BANK1: variants seen among roughly 807,000 people sequenced by gnomAD.
BANK1 encodes B cell scaffold protein with ankyrin repeats 1.
A neutral mutation model predicts 94.5 loss-of-function variants in BANK1; 95 were observed. The observed-to-expected ratio is 1.00, with a 90% CI of 0.85 to 1.19. The LOEUF (loss-of-function observed/expected upper bound fraction) is 1.19. BANK1 is among the 50% of genes most tolerant of loss of function. The pLI, the probability that BANK1 is intolerant of heterozygous loss-of-function variation, is 0.00. For missense variants in BANK1, 987 were observed against 932.2 expected, an observed-to-expected ratio of 1.06 and a Z score of -0.77; for synonymous variants, 334 against 308.4, an observed-to-expected ratio of 1.08 and a Z score of -0.87.
intron 7 of BANK1, among the ~76,000 whole-genome samples, chr4:101,936,123 G>A (rs1416323607): frequency 6.6e-6 from 1 of 150,956 alleles, no homozygotes; most frequent in African/African-American, 2.4e-5. Flanking sequence ...CCCACAGAAT[G>A]GGAGAAAATA....
chr4:101,924,376 T>C (rs1723089628), intron 7 of BANK1, among the ~76,000 whole-genome samples: 1 of 151,810 alleles, frequency 6.6e-6, no homozygotes, highest in Non-Finnish European at 1.5e-5. Context: ...TTTCTCAGTG[T>C]TTTGCTATGT....
At chr4:102,067,336 A>T (rs1728627094) in intron 13 of BANK1, among the ~76,000 whole-genome samples, 1 of 152,132 alleles carries the variant, frequency 6.6e-6, no homozygotes, top group South Asian at 2.1e-4. Context: ...GACTGAATTA[A>T]ATGCTTCTTT....
intron 7 of BANK1, among the ~76,000 whole-genome samples, chr4:101,948,564 T>C (rs779072574): frequency 2.0e-5 from 3 of 152,150 alleles, no homozygotes; most frequent in Non-Finnish European, 4.4e-5. Flanking sequence ...TGAATGACTC[T>C]GTTTTTTATA....
intron 7 of BANK1, among the ~76,000 whole-genome samples, chr4:101,931,822 A>AGAGGGCTG (rs1352465779): frequency 2.0e-5 from 3 of 151,398 alleles, no homozygotes; most frequent in Non-Finnish European, 3.0e-5. Context: ...TGACATGGAG[A>AGAGGGCTG]GAGGGCTGGA....
intron 7 of BANK1, among the ~76,000 whole-genome samples, chr4:101,963,733 C>T (rs915151730): frequency 6.6e-6 from 1 of 152,044 alleles, no homozygotes; most frequent in Admixed American, 6.6e-5. Context: ...ATTTTCACTT[C>T]GAAAGAAACA....
Position 102,042,451 on chromosome 4 carries a change from C to T in BANK1, c.1901-1388C>T, listed in dbSNP as rs1578474917. ...CGTCAAACTTTGAAACATATTTTGCCTCTTCTGTTTAAAAGAGCACAGTTG... is the reference window on the plus strand; with the variant it reads ...CGTCAAACTTTGAAACATATTTTGCTTCTTCTGTTTAAAAGAGCACAGTTG... On this transcript the variant is annotated intron_variant, in intron 10 of 16. Coordinates refer to ENST00000322953, the MANE Select transcript of BANK1 (RefSeq NM_017935.5). Among the ~76,000 whole-genome samples the T allele has an allele frequency of 1.3e-5, 2 of 152,020 alleles. 1 individual carries two copies. Among genetic ancestry groups the T allele is most frequent in the Non-Finnish European group, 2.9e-5 (2 of 67,916 alleles).
chr4:102,044,366 A>AT (rs564648778), intron 11 of BANK1, among the ~76,000 whole-genome samples: 9 of 152,300 alleles, frequency 5.9e-5, no homozygotes, highest in African/African-American at 2.2e-4. Flanking sequence ...TGAACTCATC[A>AT]TTTTTTATGG....
At chr4:101,810,189 T>C (rs1279737816) in intron 1 of BANK1, among the ~76,000 whole-genome samples, 1 of 152,168 alleles carries the variant, frequency 6.6e-6, no homozygotes, top group Non-Finnish European at 1.5e-5. Context: ...GTAAATATAT[T>C]GATTCCTAAG....
At chr4:101,928,763 G>A (rs2631255) in intron 7 of BANK1, among the ~76,000 whole-genome samples, 118,421 of 151,560 alleles carry the variant, frequency 0.78, 47,395 homozygotes, top group Non-Finnish European at 0.88. Context: ...ATTGGACCAC[G>A]TCGCTAAATA....
At chr4:101,808,274 A>G (rs757585188) in intron 1 of BANK1, among the ~76,000 whole-genome samples, 3 of 152,076 alleles carry the variant, frequency 2.0e-5, no homozygotes, top group African/African-American at 4.8e-5. Flanking sequence ...TTTTAGATAA[A>G]TAAGGTTCTA....
intron 13 of BANK1, 62 bp from the exon 14 acceptor site, chr4:102,071,213 G>A (rs920458177): frequency 3.3e-6 from 5 of 1,534,300 alleles, no homozygotes; most frequent in Non-Finnish European, 4.5e-6. Flanking sequence ...AAAAATAAGA[G>A]AGAGAATTTA....
intron 7 of BANK1, among the ~76,000 whole-genome samples, chr4:102,017,620 C>G (rs935737432): frequency 2.6e-5 from 4 of 152,220 alleles, no homozygotes; most frequent in African/African-American, 9.6e-5. Flanking sequence ...ATTCTGCCTT[C>G]CTAAGATTGA....
chr4:101,970,355 A>G (rs1724913071), intron 7 of BANK1, among the ~76,000 whole-genome samples: 1 of 152,178 alleles, frequency 6.6e-6, no homozygotes, highest in African/African-American at 2.4e-5. Context: ...TTGCATAATG[A>G]ACTATGGTTT....
intron 5 of BANK1, among the ~76,000 whole-genome samples, chr4:101,884,950 T>A (rs1485333134): frequency 1.3e-5 from 2 of 152,152 alleles, no homozygotes; most frequent in Non-Finnish European, 2.9e-5. Flanking sequence ...CTCTTGTCAC[T>A]CAGGCTGGAG....
rs76783565 is a variant in BANK1 at position 101,868,438 on chromosome 4, A to G, written c.764-2067A>G. 4.7e-3 allele frequency among the ~76,000 whole-genome samples: 721 copies of G among 152,116 alleles called. 13 individuals are homozygous for G. In the East Asian group the frequency reaches 0.058, roughly 12 times the overall value. ...GAAAACAGAAAACTCTTAAACAGGT[A>G]TGCACTTAACAACAGAGTGTCACAA... On this transcript the variant is annotated intron_variant, in intron 4 of 16. Transcript: ENST00000322953.
At chr4:101,928,663 G>A (rs576249995) in intron 7 of BANK1, among the ~76,000 whole-genome samples, 3 of 151,634 alleles carry the variant, frequency 2.0e-5, no homozygotes, top group Non-Finnish European at 4.4e-5. Context: ...ATAAGAATGG[G>A]TAACTGCATA....
At chr4:101,807,198 C>A (rs1416989912) in intron 1 of BANK1, among the ~76,000 whole-genome samples, 1 of 152,150 alleles carries the variant, frequency 6.6e-6, no homozygotes, top group East Asian at 1.9e-4. Flanking sequence ...GTTATTCTAC[C>A]TGTCCTCTTG....
chr4:102,003,319 G>T (rs1297423885), intron 7 of BANK1, among the ~76,000 whole-genome samples: 1 of 152,174 alleles, frequency 6.6e-6, no homozygotes, highest in Non-Finnish European at 1.5e-5. Context: ...TGCAATTTGA[G>T]CAGGATTTAG....
intron 7 of BANK1, among the ~76,000 whole-genome samples, chr4:101,991,335 A>T (rs1725698117): frequency 6.6e-6 from 1 of 152,272 alleles, no homozygotes; most frequent in Non-Finnish European, 1.5e-5. Flanking sequence ...ATTACAAGTT[A>T]AAGTATGAAT....
Sources: allele counts gnomAD v4.1 joint callset (sites outside exome capture counted in the v4.1 genomes callset), GRCh38; gene constraint gnomAD v4.1.1; transcripts MANE v1.5; gene names NCBI Gene and HGNC (gene_info 2026-07-23, HGNC 2026-07-21).